TMPO: variants seen among roughly 807,000 people sequenced by gnomAD.
TMPO encodes LEM domain containing 4.
A neutral mutation model predicts 45.4 loss-of-function variants in TMPO; 22 were observed. The ratio of observed to expected loss-of-function variants is 0.48; its 90% CI spans 0.35 to 0.69. The LOEUF is 0.69. Among genes scored for constraint, TMPO ranks in the 30% least tolerant of loss-of-function variants. The pLI is 0.01. For missense variants in TMPO, 512 were observed against 548.8 expected (o/e 0.93, Z 0.67); for synonymous variants, 241 against 204.1 (o/e 1.18, Z -1.54).
At chr12:98,533,880 A>G in intron 3 of TMPO, 1 of 1,614,184 alleles carries the variant, frequency 6.2e-7, no homozygotes, top group Non-Finnish European at 8.5e-7. Flanking sequence ...ATGAAATCCT[A>G]GGGTTTATTT....
chr12:98,544,132 G>A (rs944069964), intron 4 of TMPO, 98 bp from the exon 5 acceptor site: 11 of 1,354,972 alleles, frequency 8.1e-6, no homozygotes, highest in Non-Finnish European at 1.1e-5. Flanking sequence ...CTGGCATTTG[G>A]AGACTTCTAT....
At chr12:98,538,488 G>T (rs1877707582) in intron 4 of TMPO, among the ~76,000 whole-genome samples, 1 of 152,098 alleles carries the variant, frequency 6.6e-6, no homozygotes, top group Non-Finnish European at 1.5e-5. Context: ...AAGTAGCTGG[G>T]ATTACAGGCA....
chr12:98,537,828 GGT>G, intron 4 of TMPO: 1 of 551,696 alleles, frequency 1.8e-6, no homozygotes, highest in Non-Finnish European at 3.2e-6. Flanking sequence ...CCAGTTATAT[GGT>G]GTTTTGAAAG....
intron 4 of TMPO, among the ~76,000 whole-genome samples, chr12:98,540,773 C>A (rs1376954548): frequency 1.3e-5 from 2 of 152,200 alleles, no homozygotes; most frequent in Non-Finnish European, 2.9e-5. Flanking sequence ...GAGGGTTGGT[C>A]AGATCCATGT....
At chr12:98,536,645 C>T (rs1455418573) in intron 3 of TMPO, among the ~76,000 whole-genome samples, 4 of 152,084 alleles carry the variant, frequency 2.6e-5, no homozygotes, top group African/African-American at 9.7e-5. Context: ...GCCACCATGC[C>T]CTGCCAGGGA....
At chr12:98,543,810 A>C (rs542330379) in intron 4 of TMPO, among the ~76,000 whole-genome samples, 1 of 152,210 alleles carries the variant, frequency 6.6e-6, no homozygotes, top group African/African-American at 2.4e-5. Flanking sequence ...TAACAATTAC[A>C]AAAGTTTGTA....
intron 3 of TMPO, chr12:98,535,568 AT>A (rs551684682): frequency 1.4e-5 from 14 of 985,236 alleles, no homozygotes; most frequent in African/African-American, 3.5e-5. Context: ...GTGCTATGTG[AT>A]TTTTAAAAAT....
At chr12:98,544,610 T>C in intron 6 of TMPO, 73 bp downstream of exon 6, 2 of 1,266,058 alleles carry the variant, frequency 1.6e-6, no homozygotes, top group Non-Finnish European at 2.2e-6. Flanking sequence ...GGGGAGGTGG[T>C]GAATTTTGGC....
intron 3 of TMPO, among the ~76,000 whole-genome samples, chr12:98,532,506 G>GTA (rs1167792636): frequency 6.6e-6 from 1 of 152,098 alleles, no homozygotes; most frequent in Non-Finnish European, 1.5e-5. Flanking sequence ...TTAGTAGACT[G>GTA]TATAGTATCT....
chr12:98,537,631 T>C (rs576413549), intron 4 of TMPO, 59 bp downstream of exon 4: 3 of 1,309,210 alleles, frequency 2.3e-6, no homozygotes, highest in Non-Finnish European at 3.3e-6. Flanking sequence ...ACAACACTAA[T>C]CCATGTTTTA....
Position 98,515,918 on chromosome 12 carries a change from G to A in TMPO, c.51G>A (p.Lys17=), listed in dbSNP as rs766680931. ...CGGTCCTGACAAAAGACAAGTTGAA[G>A]AGTGAGTTGGTCGCCAACAATGTGA... ...DPSVLTKDKL[K]SELVANNVTL... The change falls in exon 1 of 9, where the codon AAG becomes AAA. Residue 17 remains lysine, a synonymous_variant. Coordinates refer to ENST00000556029, the MANE Select transcript of TMPO (RefSeq NM_001032283.3). 51 of 1,613,652 alleles carry A rather than the reference G, an allele frequency of 3.2e-5. No individual in the cohort carries two copies. The Middle Eastern group carries it at 6.6e-4, about 21-fold the overall frequency.
rs1318342773 is a variant in TMPO at position 98,539,597 on chromosome 12, C to T, written c.663+2025C>T. Among the ~76,000 whole-genome samples the T allele has an allele frequency of 2.0e-5, 3 of 151,844 alleles. No individual in the cohort carries two copies. In the East Asian group the frequency reaches 5.8e-4, roughly 30 times the overall value. ...CAAGCAGTTCTCCTGCTTCAGCCTC[C>T]TGAGTAGCTGGGATTACAGGTTCCC... On this transcript the variant is annotated intron_variant, in intron 4 of 8. Coordinates refer to ENST00000556029, the MANE Select transcript of TMPO (RefSeq NM_001032283.3).
At chr12:98,528,251 C>CTTT (rs72519624) in intron 2 of TMPO, among the ~76,000 whole-genome samples, 1 of 131,398 alleles carries the variant, frequency 7.6e-6, no homozygotes, top group Non-Finnish European at 1.6e-5. Context: ...TTATATCGTA[C>CTTT]TTTTTTTTTT....
At position 98,547,944 on chromosome 12, in the gene TMPO, A is replaced by C; in HGVS notation, c.*86A>C. On this transcript the variant is annotated 3_prime_UTR_variant, in exon 9 of 9. Coordinates refer to ENST00000556029, the MANE Select transcript of TMPO (RefSeq NM_001032283.3). ...TTGTGTACACTTGTTGACTCCAAGA[A>C]CTAAAAATAATGTGATTTCGCCTCA... 6.9e-7 allele frequency: 1 copy of C among 1,444,934 alleles called. No homozygotes were observed. The allele number at this position is 1,444,934 out of a possible 1,614,324, so 89.5% of individuals were successfully genotyped here.
chr12:98,534,571 C>G (rs1877454333), intron 3 of TMPO: 2 of 1,313,908 alleles, frequency 1.5e-6, no homozygotes, highest in East Asian at 3.4e-5. Context: ...CTTTCTAGAT[C>G]ACATATTAGT....
At chr12:98,539,728 C>T (rs1592952102) in intron 4 of TMPO, among the ~76,000 whole-genome samples, 1 of 152,186 alleles carries the variant, frequency 6.6e-6, no homozygotes. Flanking sequence ...CCCGCCTTGG[C>T]CTCCCAGATT....
At chr12:98,543,264 C>T (rs1458645906) in intron 4 of TMPO, among the ~76,000 whole-genome samples, 1 of 152,192 alleles carries the variant, frequency 6.6e-6, no homozygotes, top group African/African-American at 2.4e-5. Flanking sequence ...GGACACTCTA[C>T]TATAATACTG....
intron 4 of TMPO, among the ~76,000 whole-genome samples, chr12:98,540,665 A>G (rs1877863588): frequency 6.6e-6 from 1 of 152,248 alleles, no homozygotes; most frequent in South Asian, 2.1e-4. Context: ...GGCGTGAGCC[A>G]CTGCGCCTGG....
intron 3 of TMPO, among the ~76,000 whole-genome samples, chr12:98,532,598 G>T (rs1328515659): frequency 6.6e-6 from 1 of 152,136 alleles, no homozygotes; most frequent in Non-Finnish European, 1.5e-5. Flanking sequence ...AATACAACTT[G>T]ATTTTTGTAA....
Sources: allele counts gnomAD v4.1 joint callset (sites outside exome capture counted in the v4.1 genomes callset), GRCh38; gene constraint gnomAD v4.1.1; transcripts MANE v1.5; gene names NCBI Gene and HGNC (gene_info 2026-07-23, HGNC 2026-07-21).